The following NELL2 variants were observed in gnomAD, a reference collection of about 807,000 sequenced individuals.
The protein encoded by NELL2 is protein kinase C-binding protein NELL2.
In NELL2, 41 loss-of-function variants were observed where a neutral mutation model predicts 109.6. That is an observed-to-expected ratio of 0.37 (90% CI 0.29 to 0.49). The LOEUF is 0.49. NELL2 is among the 20% of genes least tolerant of loss of function. The pLI, the probability that NELL2 is intolerant of heterozygous loss-of-function variation, is 0.98. For missense variants in NELL2, 900 were observed against 1,008.3 expected (o/e 0.89, Z 1.45); for synonymous variants, 355 against 344.7 (o/e 1.03, Z -0.33).
intron 13 of NELL2, among the ~76,000 whole-genome samples, chr12:44,632,491 T>G (rs74562688): frequency 0.021 from 3,177 of 152,202 alleles, 104 homozygotes; most frequent in African/African-American, 0.072. Flanking sequence ...GCTCCTCACT[T>G]AAGTGATGAA....
intron 9 of NELL2, among the ~76,000 whole-genome samples, chr12:44,765,918 G>C (rs2136561311): frequency 6.6e-6 from 1 of 152,172 alleles, no homozygotes; most frequent in African/African-American, 2.4e-5. Flanking sequence ...TTAGGTGTTT[G>C]AGACCAGACT....
At chr12:44,745,668 G>C (rs887782210) in intron 9 of NELL2, among the ~76,000 whole-genome samples, 1 of 152,044 alleles carries the variant, frequency 6.6e-6, no homozygotes. Flanking sequence ...CAGACAGAGA[G>C]CCAAATCTCC....
chr12:44,623,303 A>C (rs74478003), intron 13 of NELL2, among the ~76,000 whole-genome samples: 1,770 of 152,256 alleles, frequency 0.012, 49 homozygotes, highest in African/African-American at 0.04. Flanking sequence ...AGACATAGAT[A>C]GATATTAAGT....
intron 12 of NELL2, among the ~76,000 whole-genome samples, chr12:44,698,193 C>G (rs981513777): frequency 6.6e-6 from 1 of 152,140 alleles, no homozygotes; most frequent in Admixed American, 6.6e-5. Flanking sequence ...TGCAACGTCC[C>G]TATTTCCAAA....
intron 2 of NELL2, among the ~76,000 whole-genome samples, chr12:44,862,143 G>T (rs1944861108): frequency 6.6e-6 from 1 of 152,124 alleles, no homozygotes; most frequent in Non-Finnish European, 1.5e-5. Context: ...AATAATAAGA[G>T]ATCAAAATTA....
intron 15 of NELL2, among the ~76,000 whole-genome samples, chr12:44,571,086 G>T (rs376061857): frequency 1.3e-5 from 2 of 152,230 alleles, no homozygotes; most frequent in East Asian, 1.9e-4. Context: ...AAGGCAGGTA[G>T]AATCTTATAA....
chr12:44,742,187 C>A (rs936210830), intron 9 of NELL2, among the ~76,000 whole-genome samples: 2 of 152,122 alleles, frequency 1.3e-5, no homozygotes, highest in Admixed American at 1.3e-4. Flanking sequence ...GCTGCTGATA[C>A]CCAGGCAAAC....
chr12:44,876,475 G>A (rs759052356), upstream of NELL2: 183 of 1,323,896 alleles, frequency 1.4e-4, no homozygotes, highest in Non-Finnish European at 1.7e-4. Flanking sequence ...CCCGGTCTAG[G>A]GAGCCCAGGA....
intron 12 of NELL2, among the ~76,000 whole-genome samples, chr12:44,679,679 A>G (rs1162894997): frequency 6.6e-6 from 1 of 152,100 alleles, no homozygotes; most frequent in Non-Finnish European, 1.5e-5. Context: ...CTGTCCTTCC[A>G]CAAGCTGGTC....
intron 15 of NELL2, among the ~76,000 whole-genome samples, chr12:44,599,232 A>G (rs1033276504): frequency 6.6e-6 from 1 of 152,180 alleles, no homozygotes; most frequent in Non-Finnish European, 1.5e-5. Context: ...ATCATGAGGC[A>G]AAAGTCAGCA....
At chr12:44,785,144 C>T (rs1474411534) in intron 3 of NELL2, among the ~76,000 whole-genome samples, 4 of 152,138 alleles carry the variant, frequency 2.6e-5, no homozygotes, top group African/African-American at 9.7e-5. Context: ...ATCATCTTGG[C>T]CCCAAAACTC....
intron 15 of NELL2, among the ~76,000 whole-genome samples, chr12:44,574,014 G>A (rs1461955423): frequency 6.6e-6 from 1 of 151,784 alleles, no homozygotes; most frequent in Non-Finnish European, 1.5e-5. Flanking sequence ...CTCCCTAGTT[G>A]TTTTCTTTCA....
At chr12:44,658,028 G>T (rs992193746) in intron 13 of NELL2, among the ~76,000 whole-genome samples, 1 of 152,092 alleles carries the variant, frequency 6.6e-6, no homozygotes, top group Non-Finnish European at 1.5e-5. Context: ...TGGTATTTCT[G>T]GTTCTAGATC....
intron 15 of NELL2, among the ~76,000 whole-genome samples, chr12:44,556,831 G>A (rs1201563300): frequency 1.3e-5 from 2 of 152,204 alleles, no homozygotes; most frequent in Non-Finnish European, 2.9e-5. Flanking sequence ...GGAAGAGCCT[G>A]TGCATGGACA....
chr12:44,726,945 T>C (rs1347996271), intron 9 of NELL2, among the ~76,000 whole-genome samples: 1 of 152,148 alleles, frequency 6.6e-6, no homozygotes, highest in Admixed American at 6.6e-5. Context: ...CAAACTCAGT[T>C]GATTTCTTTT....
chr12:44,893,851 A>G (rs1467178160), intron 1 of NELL2, among the ~76,000 whole-genome samples: 1 of 152,216 alleles, frequency 6.6e-6, no homozygotes. Flanking sequence ...GCTTTCCCAA[A>G]CCATCTGTGG....
intron 1 of NELL2, among the ~76,000 whole-genome samples, chr12:44,896,758 G>T (rs1945597657): frequency 6.6e-6 from 1 of 152,146 alleles, no homozygotes; most frequent in African/African-American, 2.4e-5. Flanking sequence ...TTTTTAAAGG[G>T]CAGATGAGGA....
intron 13 of NELL2, among the ~76,000 whole-genome samples, chr12:44,658,893 A>G (rs868321640): frequency 6.6e-6 from 1 of 150,698 alleles, no homozygotes; most frequent in Admixed American, 6.6e-5. Flanking sequence ...AAAAAAAAAA[A>G]AAAAAAGAAA....
intron 16 of NELL2, among the ~76,000 whole-genome samples, chr12:44,531,872 G>A (rs532577392): frequency 1.9e-4 from 29 of 152,238 alleles, no homozygotes; most frequent in Middle Eastern, 6.8e-3. Context: ...CTTTCAGTGC[G>A]GGTAGTTTCC....
Sources: allele counts gnomAD v4.1 joint callset (sites outside exome capture counted in the v4.1 genomes callset), GRCh38; gene constraint gnomAD v4.1.1; transcripts MANE v1.5; gene names NCBI Gene and HGNC (gene_info 2026-07-23, HGNC 2026-07-21).